The following PPP2R2B variants were observed in gnomAD, a reference collection of about 807,000 sequenced individuals.
PPP2R2B encodes the protein serine/threonine-protein phosphatase 2A 55 kDa regulatory subunit B beta isoform.
Under a neutral mutation model 46.0 loss-of-function variants are expected in PPP2R2B, and 5 were observed. The ratio of observed to expected loss-of-function variants is 0.11; its 90% CI spans 0.06 to 0.23. The LOEUF is 0.23. PPP2R2B is among the 10% of genes least tolerant of loss of function. The pLI, the probability that PPP2R2B is intolerant of heterozygous loss-of-function variation, is 1.00. For synonymous variants in PPP2R2B, 215 were observed against 206.7 expected (o/e 1.04, Z -0.34); for missense variants, 367 against 575.0 (o/e 0.64, Z 3.70).
At chr5:146,802,633 T>C (rs1302258963) in intron 2 of PPP2R2B, among the ~76,000 whole-genome samples, 4 of 152,192 alleles carry the variant, frequency 2.6e-5, no homozygotes, top group Non-Finnish European at 1.5e-5. Context: ...GACCTGAACA[T>C]ATGGTCTAAG....
At position 146,599,614 on chromosome 5, in the gene PPP2R2B, C is replaced by T. The variant is rs11951894; in HGVS notation, c.960+677G>A. Reference sequence around the variant, plus strand: ...TCAAGGTGTAAGCACCCTGAACACACCTCATTTCTCTTGACACCAGGCCTT... The same window carrying T: ...TCAAGGTGTAAGCACCCTGAACACATCTCATTTCTCTTGACACCAGGCCTT... On this transcript the variant is annotated intron_variant, in intron 8 of 9. Transcript: ENST00000394411. Among the ~76,000 whole-genome samples, 654 of 152,274 alleles carry T rather than the reference C, an allele frequency of 4.3e-3. 7 individuals carry two copies. The highest frequency in any genetic ancestry group is 0.015 in the African/African-American group (629 of 41,546).
intron 2 of PPP2R2B, among the ~76,000 whole-genome samples, chr5:146,766,917 G>C (rs1176828058): frequency 6.6e-6 from 1 of 151,940 alleles, no homozygotes; most frequent in Non-Finnish European, 1.5e-5. Flanking sequence ...GGCCAGGTGA[G>C]GTGGCGCATG....
intron 1 of PPP2R2B, among the ~76,000 whole-genome samples, chr5:147,053,733 G>A (rs1481143180): frequency 6.6e-6 from 1 of 152,038 alleles, no homozygotes; most frequent in African/African-American, 2.4e-5. Flanking sequence ...GTGGGGCATG[G>A]GACTCAAAAA....
intron 1 of PPP2R2B, among the ~76,000 whole-genome samples, chr5:146,955,940 G>C (rs901065524): frequency 2.6e-5 from 4 of 151,392 alleles, no homozygotes; most frequent in African/African-American, 9.7e-5. Context: ...CACTGTGCCC[G>C]GCTAATTTTT....
intron 1 of PPP2R2B, among the ~76,000 whole-genome samples, chr5:146,952,492 G>A (rs1751661585): frequency 6.6e-6 from 1 of 152,096 alleles, no homozygotes; most frequent in South Asian, 2.1e-4. Context: ...GGGAAAAAAA[G>A]TTGGGGTCGA....
intron 1 of PPP2R2B, among the ~76,000 whole-genome samples, chr5:146,965,480 GT>G (rs907728383): frequency 1.5e-4 from 23 of 152,132 alleles, no homozygotes; most frequent in African/African-American, 5.3e-4. Flanking sequence ...TCTGTGACTT[GT>G]TTTTTTAATC....
chr5:146,701,013 A>G (rs1561843379), intron 3 of PPP2R2B, 32 bp downstream of exon 3: 2 of 1,552,644 alleles, frequency 1.3e-6, no homozygotes, highest in South Asian at 2.2e-5. Flanking sequence ...AAAAGTGAAG[A>G]AAATGGGCAT....
chr5:146,774,480 T>A (rs1202186302), intron 2 of PPP2R2B, among the ~76,000 whole-genome samples: 4 of 151,988 alleles, frequency 2.6e-5, no homozygotes, highest in African/African-American at 4.8e-5. Context: ...GGTTGTATAC[T>A]AACATTATTA....
chr5:146,818,917 G>T (rs1758092533), intron 2 of PPP2R2B, among the ~76,000 whole-genome samples: 1 of 152,186 alleles, frequency 6.6e-6, no homozygotes, highest in Non-Finnish European at 1.5e-5. Flanking sequence ...GCCTGCAAAA[G>T]TTTCTGACCA....
intron 1 of PPP2R2B, among the ~76,000 whole-genome samples, chr5:146,941,231 T>A (rs1254064725): frequency 6.6e-6 from 1 of 152,184 alleles, no homozygotes; most frequent in African/African-American, 2.4e-5. Flanking sequence ...CCCCAACAAA[T>A]GCCATATGTC....
At chr5:146,861,054 CTT>C (rs1211197915) in intron 2 of PPP2R2B, among the ~76,000 whole-genome samples, 6 of 101,716 alleles carry the variant, frequency 5.9e-5, no homozygotes, top group Non-Finnish European at 3.9e-5. Context: ...TGAATTTTTT[CTT>C]TTTTTTTTTT....
chr5:147,054,789 C>G, intron 1 of PPP2R2B: 1 of 431,660 alleles, frequency 2.3e-6, no homozygotes, highest in South Asian at 1.6e-5. Context: ...TCAAATGCCA[C>G]TAGTAGGACA....
At chr5:146,696,297 G>A (rs1336422368) in intron 4 of PPP2R2B, among the ~76,000 whole-genome samples, 2 of 152,024 alleles carry the variant, frequency 1.3e-5, no homozygotes. Flanking sequence ...GTAGGGACGG[G>A]GTTTCACCGT....
intron 2 of PPP2R2B, among the ~76,000 whole-genome samples, chr5:146,843,214 C>A (rs1204828332): frequency 2.0e-5 from 3 of 152,156 alleles, no homozygotes; most frequent in Non-Finnish European, 4.4e-5. Context: ...TATCCAGATG[C>A]CAGAATCAGT....
In PPP2R2B at chr5:146,820,986, T is replaced by C. The variant is rs181385058; in HGVS notation, c.70+57016A>G. ...GGGCCATACCATCTCTCACCAAGAT[T>C]AGTGCATCGCCTTCTAATAGGCCTC... is the stretch of plus-strand genomic sequence containing the variant. On this transcript the variant is annotated intron_variant, in intron 2 of 9. Coordinates refer to ENST00000394411, the MANE Select transcript of PPP2R2B (RefSeq NM_181675.4). Among the ~76,000 whole-genome samples the C allele has an allele frequency of 6.9e-4, 105 of 152,274 alleles. 2 individuals carry two copies. The highest frequency in any genetic ancestry group is 6.7e-3 in the Admixed American group (102 of 15,280).
At chr5:146,641,654 A>T (rs981625995) in intron 6 of PPP2R2B, among the ~76,000 whole-genome samples, 5 of 151,944 alleles carry the variant, frequency 3.3e-5, no homozygotes, top group Non-Finnish European at 4.4e-5. Context: ...ACTTATGGGG[A>T]TGATGGGAGA....
intron 1 of PPP2R2B, among the ~76,000 whole-genome samples, chr5:147,007,458 AGACCAATCAGCTCTCTGTAAAATG>A (rs1426728920): frequency 1.3e-5 from 2 of 152,186 alleles, no homozygotes; most frequent in Non-Finnish European, 2.9e-5. Flanking sequence ...TCTGTAAAAT[AGACCAATCAGCTCTCTGTAAAATG>A]GACCAATCAG....
At chr5:146,850,508 T>C (rs997039395) in intron 2 of PPP2R2B, among the ~76,000 whole-genome samples, 3 of 152,164 alleles carry the variant, frequency 2.0e-5, no homozygotes, top group Non-Finnish European at 2.9e-5. Context: ...ACTGGCCACC[T>C]TTCACTTTTT....
intron 2 of PPP2R2B, among the ~76,000 whole-genome samples, chr5:146,743,000 C>G (rs1752968880): frequency 6.6e-6 from 1 of 152,186 alleles, no homozygotes; most frequent in African/African-American, 2.4e-5. Context: ...AAGGAAGTAA[C>G]TTTGCCAACA....
Sources: gnomAD v4.1 joint callset for allele counts (sites outside exome capture counted in the v4.1 genomes callset) on GRCh38, gnomAD v4.1.1 for gene constraint, MANE v1.5 for transcripts, NCBI Gene and HGNC (gene_info 2026-07-23, HGNC 2026-07-21) for gene names.